Variants in ERBB4 observed in about 807,000 individuals in gnomAD.
ERBB4 encodes receptor tyrosine-protein kinase erbB-4.
ERBB4 carries 42 observed loss-of-function variants against 158.0 expected under a neutral mutation model. That is an observed-to-expected ratio of 0.27 (90% CI 0.21 to 0.34). ERBB4 has a LOEUF of 0.34. Among genes scored for constraint, ERBB4 ranks in the 10% least tolerant of loss-of-function variants. The probability of loss-of-function intolerance (pLI) is 1.00; values close to 1 mark genes in which losing one functional copy is unlikely to be tolerated. For synonymous variants in ERBB4, 583 were observed against 558.7 expected, an observed-to-expected ratio of 1.04 and a Z score of -0.61; for missense variants, 1,333 against 1,624.1, an observed-to-expected ratio of 0.82 and a Z score of 3.08.
At chr2:211,584,214 A>G (rs2068194490) in intron 19 of ERBB4, among the ~76,000 whole-genome samples, 1 of 151,818 alleles carries the variant, frequency 6.6e-6, no homozygotes, top group Non-Finnish European at 1.5e-5. Flanking sequence ...TTAAATCCAC[A>G]ATAGGTTTCA....
intron 20 of ERBB4, among the ~76,000 whole-genome samples, chr2:211,476,014 C>T (rs1288781663): frequency 2.6e-5 from 4 of 151,938 alleles, no homozygotes; most frequent in African/African-American, 7.2e-5. Context: ...CAAAATATTA[C>T]GATCACCATA....
chr2:211,923,555 A>G (rs1304575649), intron 3 of ERBB4, among the ~76,000 whole-genome samples: 1 of 152,076 alleles, frequency 6.6e-6, no homozygotes, highest in East Asian at 1.9e-4. Flanking sequence ...GGTGTTGGAG[A>G]TTATGCCTTG....
At chr2:211,403,134 C>A (rs1359813630) in intron 25 of ERBB4, among the ~76,000 whole-genome samples, 6 of 152,072 alleles carry the variant, frequency 3.9e-5, no homozygotes, top group African/African-American at 1.4e-4. Context: ...CTCCACAAAA[C>A]CTGGACTGCC....
At chr2:211,388,112 C>T in intron 25 of ERBB4, 120 bp from the exon 26 acceptor site, 2 of 774,308 alleles carry the variant, frequency 2.6e-6, no homozygotes, top group Non-Finnish European at 4.6e-6. Context: ...GGAAAAAGTG[C>T]ACAACAGTGA....
intron 2 of ERBB4, among the ~76,000 whole-genome samples, chr2:211,975,994 G>A (rs1377078256): frequency 2.0e-5 from 3 of 151,936 alleles, no homozygotes; most frequent in African/African-American, 7.2e-5. Context: ...AATAATTCTT[G>A]TATAACATAT....
chr2:212,478,081 A>G (rs923073621), intron 1 of ERBB4, among the ~76,000 whole-genome samples: 1 of 152,086 alleles, frequency 6.6e-6, no homozygotes, highest in African/African-American at 2.4e-5. Context: ...CAATCAACTA[A>G]CTTGAGTTCT....
Position 211,580,278 on chromosome 2 carries a change from C to T in ERBB4, c.2302-18190G>A, listed in dbSNP as rs1001976036. ...AAGGACAAATATCCAGAATCTGCAA[C>T]GAAATCAAACATATTAGCAAGGAAA... On this transcript the variant is annotated intron_variant, in intron 19 of 27. Coordinates refer to ENST00000342788, the MANE Select transcript of ERBB4 (RefSeq NM_005235.3). Among the ~76,000 whole-genome samples, 2 of 152,044 alleles carry T rather than the reference C, an allele frequency of 1.3e-5. 1 individual carries two copies. The highest frequency in any genetic ancestry group is 4.8e-5 in the African/African-American group (2 of 41,486).
At chr2:211,758,155 C>A (rs919108591) in intron 4 of ERBB4, among the ~76,000 whole-genome samples, 2 of 152,034 alleles carry the variant, frequency 1.3e-5, no homozygotes, top group African/African-American at 2.4e-5. Context: ...ACATATTATG[C>A]CAAAAATGAA....
intron 1 of ERBB4, among the ~76,000 whole-genome samples, chr2:212,535,457 T>C (rs1692998544): frequency 6.6e-6 from 1 of 152,292 alleles, no homozygotes; most frequent in African/African-American, 2.4e-5. Context: ...GTACGAAAGC[T>C]ATATGTACTT....
intron 20 of ERBB4, among the ~76,000 whole-genome samples, chr2:211,506,919 CA>C (rs899344069): frequency 2.0e-5 from 3 of 151,790 alleles, no homozygotes; most frequent in African/African-American, 7.3e-5. Context: ...ACAAGGGATC[CA>C]AAAAATGAAG....
At chr2:212,173,195 A>G (rs1002930491) in intron 1 of ERBB4, among the ~76,000 whole-genome samples, 1 of 152,140 alleles carries the variant, frequency 6.6e-6, no homozygotes, top group Non-Finnish European at 1.5e-5. Flanking sequence ...ACAAATCCCT[A>G]TGTTTGTGGA....
chr2:212,411,537 G>T (rs576105661), intron 1 of ERBB4, among the ~76,000 whole-genome samples: 1 of 152,084 alleles, frequency 6.6e-6, no homozygotes, highest in Non-Finnish European at 1.5e-5. Flanking sequence ...TAGAATATGC[G>T]TCTACCTCTT....
chr2:211,584,377 A>G (rs887801768), intron 19 of ERBB4, among the ~76,000 whole-genome samples: 33 of 152,150 alleles, frequency 2.2e-4, no homozygotes, highest in Admixed American at 2.0e-3. Flanking sequence ...TTTATCAAGC[A>G]CTTGAGAGCA....
At chr2:211,459,814 C>G (rs554070604) in intron 20 of ERBB4, among the ~76,000 whole-genome samples, 6 of 152,012 alleles carry the variant, frequency 3.9e-5, no homozygotes. Context: ...GGAAAGAAGT[C>G]ATAACATTTA....
chr2:211,517,780 AAATT>A (rs1183290246), intron 20 of ERBB4, among the ~76,000 whole-genome samples: 2 of 152,188 alleles, frequency 1.3e-5, no homozygotes, highest in African/African-American at 2.4e-5. Context: ...GAAATCCAGA[AAATT>A]AATTGCCATT....
At chr2:212,176,998 AAG>A (rs936592980) in intron 1 of ERBB4, among the ~76,000 whole-genome samples, 8 of 151,890 alleles carry the variant, frequency 5.3e-5, no homozygotes, top group African/African-American at 1.4e-4. Context: ...AAAGTAGAGA[AAG>A]AGAGAGGAAT....
At chr2:212,203,003 A>T (rs2105906480) in intron 1 of ERBB4, among the ~76,000 whole-genome samples, 1 of 151,828 alleles carries the variant, frequency 6.6e-6, no homozygotes, top group South Asian at 2.1e-4. Context: ...TTATTTACAT[A>T]TATGTATATA....
At chr2:212,260,081 A>AAAAAAAAAAAG (rs1553606480) in intron 1 of ERBB4, among the ~76,000 whole-genome samples, 1 of 148,808 alleles carries the variant, frequency 6.7e-6, no homozygotes, top group African/African-American at 2.5e-5. Context: ...AAAAAAAAAA[A>AAAAAAAAAAAG]AAAAGAAAAG....
At chr2:211,980,141 T>C (rs533612320) in intron 2 of ERBB4, among the ~76,000 whole-genome samples, 1 of 152,226 alleles carries the variant, frequency 6.6e-6, no homozygotes, top group Non-Finnish European at 1.5e-5. Flanking sequence ...GTCTCTTGAA[T>C]AAAAATAGAA....
Sources: allele counts gnomAD v4.1 joint callset (sites outside exome capture counted in the v4.1 genomes callset), GRCh38; gene constraint gnomAD v4.1.1; transcripts MANE v1.5; gene names NCBI Gene and HGNC (gene_info 2026-07-23, HGNC 2026-07-21).